Variants in CNTN5 observed in about 807,000 individuals in gnomAD.
CNTN5 encodes contactin 5.
CNTN5 carries 77 observed loss-of-function variants against 129.1 expected under a neutral mutation model. The ratio of observed to expected loss-of-function variants is 0.60; its 90% confidence interval spans 0.50 to 0.72. CNTN5 has a LOEUF of 0.72. Among genes scored for constraint, CNTN5 ranks in the 30% least tolerant of loss-of-function variants. The pLI is 0.00. For missense variants in CNTN5, 1,478 were observed against 1,328.8 expected (o/e 1.11, Z -1.75); for synonymous variants, 509 against 465.6 (o/e 1.09, Z -1.20).
chr11:99,770,891 T>G (rs1355331246), intron 3 of CNTN5, among the ~76,000 whole-genome samples: 1 of 152,102 alleles, frequency 6.6e-6, no homozygotes, highest in East Asian at 1.9e-4. Context: ...GCATCACAGC[T>G]TTATGATTTG....
intron 13 of CNTN5, among the ~76,000 whole-genome samples, chr11:100,127,623 T>C (rs1289420062): frequency 6.7e-6 from 1 of 148,408 alleles, no homozygotes; most frequent in Non-Finnish European, 1.5e-5. Context: ...TAATGGTTCA[T>C]AAACAGACTT....
chr11:100,041,433 TTA>T (rs1325704644), intron 9 of CNTN5, among the ~76,000 whole-genome samples: 1 of 152,220 alleles, frequency 6.6e-6, no homozygotes, highest in Non-Finnish European at 1.5e-5. Context: ...AGTAAGTACC[TTA>T]TATATAATTG....
chr11:99,334,184 C>T (rs1866123585), intron 2 of CNTN5, among the ~76,000 whole-genome samples: 1 of 151,970 alleles, frequency 6.6e-6, no homozygotes, highest in Admixed American at 6.6e-5. Context: ...GAAAGCAATT[C>T]AAACAAATTT....
chr11:99,421,249 G>A (rs1364932392), intron 2 of CNTN5, among the ~76,000 whole-genome samples: 1 of 151,696 alleles, frequency 6.6e-6, no homozygotes, highest in Non-Finnish European at 1.5e-5. Context: ...TTCCTTTACA[G>A]AGTTTATGGT....
At chr11:99,608,331 T>A (rs1425455051) in intron 3 of CNTN5, among the ~76,000 whole-genome samples, 1 of 152,156 alleles carries the variant, frequency 6.6e-6, no homozygotes, top group African/African-American at 2.4e-5. Flanking sequence ...TCAGCAAGAA[T>A]GATCAGGTCT....
At chr11:100,061,453 ATTAACT>A (rs1339602974) in intron 10 of CNTN5, 60 bp downstream of exon 10, 7 of 1,238,836 alleles carry the variant, frequency 5.7e-6, no homozygotes, top group Non-Finnish European at 7.7e-6. Context: ...GAAAGTGGAA[ATTAACT>A]TTAACTAAAT....
chr11:99,659,293 C>T (rs1406966320), intron 3 of CNTN5, among the ~76,000 whole-genome samples: 1 of 152,042 alleles, frequency 6.6e-6, no homozygotes, highest in Non-Finnish European at 1.5e-5. Flanking sequence ...GTGGAGAGAT[C>T]CAATGGCATT....
chr11:99,141,225 A>C (rs1181164632), intron 1 of CNTN5, among the ~76,000 whole-genome samples: 1 of 151,850 alleles, frequency 6.6e-6, no homozygotes, highest in Admixed American at 6.6e-5. Context: ...CAACCTTGGG[A>C]AGTTATGTAT....
At chr11:100,291,754 TAAATAAATAAATA>T (rs1379770323) in intron 18 of CNTN5, among the ~76,000 whole-genome samples, 2 of 34,892 alleles carry the variant, frequency 5.7e-5, no homozygotes, top group Non-Finnish European at 9.0e-5. Context: ...AGTATAATAA[TAAATAAATAAATA>T]AATAAATAAA....
intron 1 of CNTN5, among the ~76,000 whole-genome samples, chr11:99,194,655 G>C (rs1047963119): frequency 2.0e-5 from 3 of 152,050 alleles, no homozygotes; most frequent in Non-Finnish European, 4.4e-5. Flanking sequence ...GCCCAGGCTG[G>C]AGTGCAGTGG....
intron 3 of CNTN5, among the ~76,000 whole-genome samples, chr11:99,787,687 G>A (rs1255127707): frequency 6.6e-6 from 1 of 151,910 alleles, no homozygotes; most frequent in Non-Finnish European, 1.5e-5. Flanking sequence ...TACCAGATAT[G>A]AGTCAAGATG....
intron 3 of CNTN5, among the ~76,000 whole-genome samples, chr11:99,668,941 T>G (rs1422468200): frequency 6.6e-6 from 1 of 152,174 alleles, no homozygotes; most frequent in Non-Finnish European, 1.5e-5. Context: ...CAATATCAAC[T>G]TTAAAATGCT....
chr11:100,193,714 G>A (rs941287506), intron 15 of CNTN5, 51 bp downstream of exon 15: 11 of 1,517,306 alleles, frequency 7.2e-6, no homozygotes, highest in Non-Finnish European at 9.8e-6. Context: ...TAGAAATTTT[G>A]AATCAAATGT....
Position 100,018,706 on chromosome 11 carries a change from C to A in CNTN5, c.980+16570C>A, listed in dbSNP as rs556834054. On this transcript the variant is annotated intron_variant, in intron 9 of 24. Transcript: ENST00000524871. ...AATACTTATGAGTGGAATGGCTAAA[C>A]GATATGGTAGGAGTATGTGTAGCTA... 1.1e-3 allele frequency among the ~76,000 whole-genome samples: 166 copies of A among 151,898 alleles called. 1 individual carries two copies. The Middle Eastern group carries it at 0.014, about 12-fold the overall frequency.
chr11:99,036,404 A>C (rs2135117057), intron 1 of CNTN5, among the ~76,000 whole-genome samples: 1 of 152,202 alleles, frequency 6.6e-6, no homozygotes, highest in Admixed American at 6.5e-5. Flanking sequence ...AATTTTTCTT[A>C]ATATAATTTT....
At chr11:99,953,747 A>G (rs575122959) in intron 7 of CNTN5, among the ~76,000 whole-genome samples, 1 of 152,328 alleles carries the variant, frequency 6.6e-6, no homozygotes, top group East Asian at 1.9e-4. Context: ...GGTTCAGAGT[A>G]GAAGACAAAA....
intron 1 of CNTN5, among the ~76,000 whole-genome samples, chr11:99,045,636 A>G (rs922183375): frequency 6.6e-6 from 1 of 152,232 alleles, no homozygotes; most frequent in African/African-American, 2.4e-5. Context: ...CATTTTCATC[A>G]TATATCTCAG....
intron 1 of CNTN5, among the ~76,000 whole-genome samples, chr11:99,244,315 A>C (rs1861713734): frequency 6.6e-6 from 1 of 152,124 alleles, no homozygotes; most frequent in South Asian, 2.1e-4. Context: ...TGTATCCTGA[A>C]ACATTACTGA....
At chr11:99,327,392 A>G (rs966709437) in intron 2 of CNTN5, among the ~76,000 whole-genome samples, 2 of 152,200 alleles carry the variant, frequency 1.3e-5, no homozygotes, top group African/African-American at 4.8e-5. Flanking sequence ...GTAATTCAAC[A>G]GAAGTCTAAT....
Sources: allele counts gnomAD v4.1 joint callset (sites outside exome capture counted in the v4.1 genomes callset), GRCh38; gene constraint gnomAD v4.1.1; transcripts MANE v1.5; gene names NCBI Gene and HGNC (gene_info 2026-07-23, HGNC 2026-07-21).